BFSP1: variants seen among roughly 807,000 people sequenced by gnomAD.
BFSP1 encodes the protein filensin.
A neutral mutation model predicts 43.9 loss-of-function variants in BFSP1; 38 were observed. That is an observed-to-expected ratio of 0.87 (90% CI 0.67 to 1.14). BFSP1 has a LOEUF of 1.14. BFSP1 is among the 50% of genes most tolerant of loss of function. The pLI is 0.00. For synonymous variants in BFSP1, 352 were observed against 354.8 expected (o/e 0.99, Z 0.09); for missense variants, 850 against 875.1 (o/e 0.97, Z 0.36).
At chr20:17,565,160 A>G (rs1414988631) in intron 1 of BFSP1, among the ~76,000 whole-genome samples, 10 of 152,120 alleles carry the variant, frequency 6.6e-5, no homozygotes. Flanking sequence ...TTTTTTCACT[A>G]TAGTTTTGCC....
chr20:17,503,439 T>A (rs2033852741), intron 5 of BFSP1, among the ~76,000 whole-genome samples: 1 of 152,194 alleles, frequency 6.6e-6, no homozygotes, highest in Non-Finnish European at 1.5e-5. Context: ...GGGGTGGCCG[T>A]TCCTTTTGGG....
At chr20:17,515,660 T>C (rs1442154949) in intron 2 of BFSP1, among the ~76,000 whole-genome samples, 2 of 152,232 alleles carry the variant, frequency 1.3e-5, no homozygotes, top group Non-Finnish European at 2.9e-5. Flanking sequence ...TGCTATGATG[T>C]CCAGAAGTGA....
intron 7 of BFSP1, among the ~76,000 whole-genome samples, chr20:17,495,937 G>T (rs1261464307): frequency 6.6e-6 from 1 of 152,084 alleles, no homozygotes; most frequent in Non-Finnish European, 1.5e-5. Context: ...AGCAGACATG[G>T]GTCACAAAGC....
chr20:17,513,645 G>A lies in BFSP1; in HGVS notation c.534+1076C>T, dbSNP rs146958857. ...TGGAAGTTCACTGAGCACTTGCCAA[G>A]CTCCAGGTTGTACCCATGTTCCCAC... On this transcript the variant is annotated intron_variant, in intron 3 of 7. Coordinates refer to ENST00000377873, the MANE Select transcript of BFSP1 (RefSeq NM_001195.5). 5.9e-3 allele frequency among the ~76,000 whole-genome samples: 905 copies of A among 152,360 alleles called. 5 individuals are homozygous for A. The highest frequency in any genetic ancestry group is 0.021 in the African/African-American group (858 of 41,582).
At chr20:17,550,684 G>C (rs1189882097) in intron 1 of BFSP1, among the ~76,000 whole-genome samples, 7 of 152,100 alleles carry the variant, frequency 4.6e-5, no homozygotes, top group Non-Finnish European at 2.9e-5. Flanking sequence ...TGTTGGCCAG[G>C]CTGGTCTTAA....
At chr20:17,557,698 C>T (rs1201080708) in intron 1 of BFSP1, among the ~76,000 whole-genome samples, 1 of 152,142 alleles carries the variant, frequency 6.6e-6, no homozygotes, top group Non-Finnish European at 1.5e-5. Context: ...TGAGTCTTTC[C>T]TCAGTTTATT....
chr20:17,495,593 C>T (rs1011793179), intron 7 of BFSP1, among the ~76,000 whole-genome samples: 2 of 152,156 alleles, frequency 1.3e-5, no homozygotes, highest in Non-Finnish European at 1.5e-5. Flanking sequence ...AAATGCCACC[C>T]GGCTGTGATC....
chr20:17,510,218 C>T (rs955746785), intron 4 of BFSP1, among the ~76,000 whole-genome samples: 3 of 152,218 alleles, frequency 2.0e-5, no homozygotes, highest in Non-Finnish European at 4.4e-5. Context: ...GGACTGGACA[C>T]TCTGCACGTC....
At chr20:17,502,706 A>G (rs559287058) in intron 5 of BFSP1, among the ~76,000 whole-genome samples, 4 of 152,218 alleles carry the variant, frequency 2.6e-5, no homozygotes, top group Non-Finnish European at 5.9e-5. Context: ...ATAAAACAAG[A>G]GTCCCCTTCC....
chr20:17,499,176 A>G (rs1367691826), intron 5 of BFSP1, 136 bp from the exon 6 acceptor site: 1 of 754,904 alleles, frequency 1.3e-6, no homozygotes, highest in South Asian at 1.8e-5. Context: ...GAGATTAGCA[A>G]TGAATCACTT....
intron 6 of BFSP1, among the ~76,000 whole-genome samples, chr20:17,498,498 C>G (rs2033710073): frequency 6.6e-6 from 1 of 152,214 alleles, no homozygotes; most frequent in South Asian, 2.1e-4. Flanking sequence ...TGCTGGGACA[C>G]TTATGTCCCC....
intron 4 of BFSP1, among the ~76,000 whole-genome samples, chr20:17,510,936 A>C (rs575441881): frequency 6.6e-6 from 1 of 152,262 alleles, no homozygotes; most frequent in South Asian, 2.1e-4. Flanking sequence ...ATTTTTATTT[A>C]ATTTGCATCA....
intron 2 of BFSP1, among the ~76,000 whole-genome samples, chr20:17,520,932 C>T (rs959401730): frequency 6.6e-6 from 1 of 152,126 alleles, no homozygotes; most frequent in African/African-American, 2.4e-5. Flanking sequence ...TATATGTCAG[C>T]CTTTAAATAT....
rs2034529901 is a variant in BFSP1 at position 17,531,208 on chromosome 20, A to G, written c.122T>C (p.Leu41Pro). The G allele has an allele frequency of 2.3e-6, 3 of 1,321,200 alleles. No individual in the cohort carries two copies. The highest frequency in any genetic ancestry group is 3.2e-5 in the East Asian group (1 of 31,150). The allele number at this position is 1,321,200 out of a possible 1,614,324, so 81.8% of individuals were successfully genotyped here. Residue 41 changes from leucine (L) to proline (P), a missense_variant, in exon 1 of 8, where the codon CTG (leucine) becomes CCG (proline). Physicochemically the swap from Leu to Pro is moderately conservative, Grantham distance 98. Transcript: ENST00000377873. ...ADEGWAGATS[L>P]AALQGLGERV... The stretch of plus-strand genomic sequence containing the variant: ...CTCGCCGAGCCCCTGCAGCGCCGCC[A>G]GGCTCGTTGCCCCAGCCCAGCCCTC...
At chr20:17,533,719 G>A (rs1033319084), upstream of BFSP1, among the ~76,000 whole-genome samples, 1 of 152,218 alleles carries the variant, frequency 6.6e-6, no homozygotes, top group African/African-American at 2.4e-5. Flanking sequence ...ATCCCATCAT[G>A]CTGGAGTGGA....
At chr20:17,498,224 C>G (rs11905530) in intron 6 of BFSP1, among the ~76,000 whole-genome samples, 54,903 of 152,090 alleles carry the variant, frequency 0.36, 10,066 homozygotes, top group South Asian at 0.46. Flanking sequence ...TGGAAATCAC[C>G]GTAGCTATGA....
At chr20:17,513,562 A>G (rs1240518100) in intron 3 of BFSP1, among the ~76,000 whole-genome samples, 1 of 152,182 alleles carries the variant, frequency 6.6e-6, no homozygotes, top group East Asian at 1.9e-4. Flanking sequence ...AGGGACCCTG[A>G]TTGGAGCAGA....
intron 1 of BFSP1, among the ~76,000 whole-genome samples, chr20:17,542,857 A>G (rs919295669): frequency 1.3e-5 from 2 of 152,262 alleles, no homozygotes; most frequent in Non-Finnish European, 2.9e-5. Flanking sequence ...TGTTTCTGAA[A>G]AATAATTTAT....
chr20:17,567,496 T>C (rs1421026049), intron 1 of BFSP1, among the ~76,000 whole-genome samples: 1 of 152,114 alleles, frequency 6.6e-6, no homozygotes, highest in African/African-American at 2.4e-5. Flanking sequence ...TGGGGCCATC[T>C]AAGACTCCAC....
Sources: allele counts gnomAD v4.1 joint callset (sites outside exome capture counted in the v4.1 genomes callset), GRCh38; gene constraint gnomAD v4.1.1; transcripts MANE v1.5; gene names NCBI Gene and HGNC (gene_info 2026-07-23, HGNC 2026-07-21).